Variants in NPTN observed in about 807,000 individuals in gnomAD.
NPTN encodes the protein neuroplastin.
A neutral mutation model predicts 42.7 loss-of-function variants in NPTN; 5 were observed. The ratio of observed to expected loss-of-function variants is 0.12; its 90% CI spans 0.06 to 0.25. The LOEUF (loss-of-function observed/expected upper bound fraction) is 0.25. NPTN is among the 10% of genes least tolerant of loss of function. NPTN has a pLI of 1.00. For synonymous variants in NPTN, 180 were observed against 201.9 expected, an observed-to-expected ratio of 0.89 and a Z score of 0.92; for missense variants, 307 against 525.4, an observed-to-expected ratio of 0.58 and a Z score of 4.06.
At position 73,633,298 on chromosome 15, in the gene NPTN, GGCGAGTGCGCGA is replaced by G. The variant is rs1457084842; in HGVS notation, c.-95_-84del. ...AGGGAGGGGAGGGAGGGAGGGGGCG[GGCGAGTGCGCGA>G]GGGAGTGAGCGAGGGAGGCAGCCGC... On this transcript the variant is annotated 5_prime_UTR_variant, in exon 1 of 9. Transcript: ENST00000345330. 1.0e-6 allele frequency: 1 copy of G among 987,772 alleles called. No individual in the cohort carries two copies. The highest frequency in any genetic ancestry group is 1.7e-5 in the African/African-American group (1 of 58,948). The allele number at this position is 987,772 out of a possible 1,614,324, so 61.2% of individuals were successfully genotyped here.
rs1467338872 is a variant in NPTN, at chr15:73,569,833, CAA to C, written c.1114+315_1114+316del. ...TGTATTGAAGGAGGACAGAGCTGAA[CAA>C]AGAGACTGACAGCTGCCCATTCACC... is the stretch of plus-strand genomic sequence containing the variant. On this transcript the variant is annotated intron_variant, in intron 6 of 8. Coordinates refer to ENST00000345330, the MANE Select transcript of NPTN (RefSeq NM_012428.4). The surrounding 1 kb of genome is among the most constrained non-coding windows in gnomAD (Gnocchi z 4.1). 7 of 984,822 alleles carry C rather than the reference CAA, an allele frequency of 7.1e-6. No homozygotes were observed. Among genetic ancestry groups the C allele is most frequent in the Non-Finnish European group, 8.4e-6 (7 of 829,596 alleles). The allele number at this position is 984,822 out of a possible 1,614,324, so 61.0% of individuals were successfully genotyped here. A position where few individuals can be genotyped will look rare whatever the true frequency, so the allele number is the denominator to read the frequency against.
intron 1 of NPTN, among the ~76,000 whole-genome samples, chr15:73,606,047 G>C (rs1595947229): frequency 1.3e-5 from 2 of 152,232 alleles, no homozygotes; most frequent in African/African-American, 4.8e-5. Flanking sequence ...GGGTGACAAA[G>C]CAAACTACTT....
chr15:73,574,466 G>C (rs1270718455), intron 4 of NPTN, among the ~76,000 whole-genome samples: 24 of 152,120 alleles, frequency 1.6e-4, no homozygotes, highest in Admixed American at 1.4e-3. Context: ...TATCGTCCAG[G>C]CTGGAGCATA....
intron 3 of NPTN, among the ~76,000 whole-genome samples, chr15:73,590,278 C>A (rs117627968): frequency 1.7e-3 from 258 of 152,134 alleles, no homozygotes; most frequent in Non-Finnish European, 2.9e-3. Context: ...AATGTAGAAT[C>A]CCTGAAAAAC....
intron 3 of NPTN, among the ~76,000 whole-genome samples, chr15:73,590,390 C>T (rs1037608413): frequency 1.1e-4 from 16 of 152,022 alleles, no homozygotes; most frequent in Admixed American, 6.6e-5. Flanking sequence ...AGTTAAAGCT[C>T]AGCACTTTGC....
rs1485352173 is a variant in NPTN, at chr15:73,570,101, C to T, written c.1114+49G>A. 7.2e-6 allele frequency: 11 copies of T among 1,532,680 alleles called. No individual in the cohort carries two copies. Among genetic ancestry groups the T allele is most frequent in the East Asian group, 2.3e-5 (1 of 44,088 alleles). The allele number at this position is 1,532,680 out of a possible 1,614,324, so 94.9% of individuals were successfully genotyped here. A position where few individuals can be genotyped will look rare whatever the true frequency, so the allele number is the denominator to read the frequency against. ...CCTCTTTGGGTACTTGGAAACCACC[C>T]GAAGGAACCAACCCCAGCAGTACAG... On this transcript the variant is annotated intron_variant, in intron 6 of 8. Transcript: ENST00000345330. This position sits in a 1 kb window ranked among gnomAD's most constrained non-coding sequence, Gnocchi z 4.0.
At chr15:73,587,924 T>C (rs1033297764) in intron 3 of NPTN, among the ~76,000 whole-genome samples, 3 of 152,342 alleles carry the variant, frequency 2.0e-5, no homozygotes, top group African/African-American at 4.8e-5. Context: ...CAAAGTACTA[T>C]AGTTTATATT....
At chr15:73,588,805 A>G (rs552070280) in intron 3 of NPTN, among the ~76,000 whole-genome samples, 8 of 152,298 alleles carry the variant, frequency 5.3e-5, no homozygotes, top group African/African-American at 1.9e-4. Flanking sequence ...CATGTGTGTG[A>G]TTATATATTT....
At chr15:73,587,844 T>C (rs998733334) in intron 3 of NPTN, among the ~76,000 whole-genome samples, 1 of 152,200 alleles carries the variant, frequency 6.6e-6, no homozygotes, top group Non-Finnish European at 1.5e-5. Context: ...ACATGGTCCC[T>C]AACCTTAGAA....
intron 7 of NPTN, among the ~76,000 whole-genome samples, chr15:73,562,998 A>G (rs1894773682): frequency 6.6e-6 from 1 of 152,148 alleles, no homozygotes; most frequent in South Asian, 2.1e-4. Context: ...TGAAAAAAAA[A>G]AAAGTTTTTT....
chr15:73,603,433 C>T (rs1448577515), intron 1 of NPTN, among the ~76,000 whole-genome samples: 1 of 152,118 alleles, frequency 6.6e-6, no homozygotes, highest in Non-Finnish European at 1.5e-5. Flanking sequence ...AAAATGAGAA[C>T]CAGAACGGAA....
At chr15:73,565,250 C>G (rs79284906) in intron 6 of NPTN, among the ~76,000 whole-genome samples, 1 of 152,158 alleles carries the variant, frequency 6.6e-6, no homozygotes, top group East Asian at 1.9e-4. Flanking sequence ...CCTCATGTCT[C>G]CCCACTCTCC....
chr15:73,612,326 G>A (rs918116847), intron 1 of NPTN, among the ~76,000 whole-genome samples: 3 of 151,794 alleles, frequency 2.0e-5, no homozygotes, highest in African/African-American at 7.3e-5. Context: ...AGGCTAAGGT[G>A]GAGGAACACC....
In NPTN at chr15:73,567,878, G is replaced by A. The variant is rs978650246; in HGVS notation, c.1114+2272C>T. On this transcript the variant is annotated intron_variant, in intron 6 of 8. Transcript: ENST00000345330. ...TTCACCCCAATGCAACAACAACGAA[G>A]TAAACGCTGCTTTCATTACAATACT... 4 of 985,264 alleles carry A rather than the reference G, an allele frequency of 4.1e-6. No homozygotes were observed. In the African/African-American group the frequency reaches 5.2e-5, roughly 13 times the overall value. The allele number at this position is 985,264 out of a possible 1,614,324, so 61.0% of individuals were successfully genotyped here.
At chr15:73,620,161 CA>C (rs1898065383) in intron 1 of NPTN, among the ~76,000 whole-genome samples, 1 of 152,170 alleles carries the variant, frequency 6.6e-6, no homozygotes, top group South Asian at 2.1e-4. Flanking sequence ...TCAGTGTTTT[CA>C]AAGCATGTAT....
At chr15:73,571,117 C>CA (rs1270664791) in intron 5 of NPTN, among the ~76,000 whole-genome samples, 1 of 151,918 alleles carries the variant, frequency 6.6e-6, no homozygotes, top group Non-Finnish European at 1.5e-5. Context: ...CCCATCTCTA[C>CA]AAAAAATCAA....
At position 73,570,386 on chromosome 15, in the gene NPTN, T is replaced by A; in HGVS notation, c.878A>T (p.Asn293Ile). ...GTTCAACTCAGTGTAATTTTCCTTG[T>A]TGATGATGAAGAAGCGGCCAGAGGT... ...VNTSGRFFII[N>I]KENYTELNIV... The change falls in exon 6 of 9, where the codon AAC (asparagine) becomes ATC (isoleucine). Residue 293 changes from asparagine (N) to isoleucine (I), a missense_variant. Asn to Ile is a moderately radical substitution (Grantham distance 149). Coordinates refer to ENST00000345330, the MANE Select transcript of NPTN (RefSeq NM_012428.4). The surrounding 1 kb of genome is among the most constrained non-coding windows in gnomAD (Gnocchi z 4.0). 1 of 1,613,732 alleles carries A rather than the reference T, an allele frequency of 6.2e-7. No homozygotes were observed.
At chr15:73,618,073 A>G (rs1437151024) in intron 1 of NPTN, among the ~76,000 whole-genome samples, 1 of 152,218 alleles carries the variant, frequency 6.6e-6, no homozygotes, top group Non-Finnish European at 1.5e-5. Flanking sequence ...CTCCACAGTA[A>G]GTGGTAGCTC....
intron 4 of NPTN, among the ~76,000 whole-genome samples, chr15:73,583,118 C>T (rs1474149524): frequency 1.3e-5 from 2 of 152,204 alleles, no homozygotes; most frequent in African/African-American, 4.8e-5. Context: ...AAGAGCCACA[C>T]AGAGCAAAGG....
Sources: allele counts gnomAD v4.1 joint callset (sites outside exome capture counted in the v4.1 genomes callset), GRCh38; gene constraint gnomAD v4.1.1; non-coding constraint Gnocchi (gnomAD v3.1); transcripts MANE v1.5; gene names NCBI Gene and HGNC (gene_info 2026-07-23, HGNC 2026-07-21).